Variants in BTD observed in about 807,000 individuals in gnomAD.
BTD encodes the protein biocytinase.
BTD carries 13 observed loss-of-function variants against 17.7 expected under a neutral mutation model. The observed-to-expected ratio is 0.74, with a 90% CI of 0.48 to 1.17. BTD has a LOEUF of 1.17. BTD is among the 50% of genes most tolerant of loss of function. The pLI is 0.00. For synonymous variants in BTD, 240 were observed against 245.2 expected (o/e 0.98, Z 0.20); for missense variants, 674 against 650.4 (o/e 1.04, Z -0.39).
chr3:15,655,777 G>T (rs1453576401), downstream of BTD, among the ~76,000 whole-genome samples: 1 of 152,186 alleles, frequency 6.6e-6, no homozygotes, highest in Non-Finnish European at 1.5e-5. Context: ...CAGTATTCAT[G>T]TATGACAGAG....
Position 15,622,453 on chromosome 3 carries a change from T to C in BTD, c.-16-12971T>C, listed in dbSNP as rs369982817. Among the ~76,000 whole-genome samples, 4 of 152,362 alleles carry C rather than the reference T, an allele frequency of 2.6e-5. No individual in the cohort carries two copies. In the East Asian group the frequency reaches 5.8e-4, roughly 22 times the overall value. On this transcript the variant is annotated intron_variant, in intron 1 of 3. Coordinates refer to ENST00000643237, the MANE Select transcript of BTD (RefSeq NM_001370658.1). Reference sequence around the variant, plus strand: ...CTACTCTTTTAAATCTGTTAAGTTGTGTTTTATGGCTCACAGTGTGTTTTG... The same window carrying C: ...CTACTCTTTTAAATCTGTTAAGTTGCGTTTTATGGCTCACAGTGTGTTTTG...
At chr3:15,690,669 A>T (rs1028193233) in intron 3 of BTD, among the ~76,000 whole-genome samples, 1 of 152,062 alleles carries the variant, frequency 6.6e-6, no homozygotes, top group Non-Finnish European at 1.5e-5. Flanking sequence ...GGCTTAAGTG[A>T]TCCTCCCACC....
chr3:15,606,793 G>A (rs946030799), intron 1 of BTD: 2 of 152,196 alleles, frequency 1.3e-5, no homozygotes, highest in African/African-American at 4.8e-5. Flanking sequence ...GATTAACAGG[G>A]CCAAGGAGCA....
chr3:15,640,483 C>T (rs947011924), intron 2 of BTD, among the ~76,000 whole-genome samples: 1 of 151,926 alleles, frequency 6.6e-6, no homozygotes. Context: ...CTCTGCCTCC[C>T]GGGTTCCAGT....
intron 3 of BTD, among the ~76,000 whole-genome samples, chr3:15,666,408 C>CCCT (rs1553567292): frequency 6.6e-6 from 1 of 151,994 alleles, no homozygotes; most frequent in African/African-American, 2.4e-5. Context: ...TTCATCTCCC[C>CCCT]CTTTCCTCAT....
In BTD at chr3:15,647,208, C is replaced by T. The variant is rs1216384249; in HGVS notation, c.*1720C>T. 2.0e-5 allele frequency: 3 copies of T among 152,262 alleles called. No homozygotes were observed. Among genetic ancestry groups the T allele is most frequent in the Admixed American group, 6.5e-5 (1 of 15,286 alleles). The allele number at this position is 152,262 out of a possible 1,614,324, so 9.4% of individuals were successfully genotyped here. On this transcript the variant is annotated 3_prime_UTR_variant, in exon 4 of 4. Coordinates refer to ENST00000643237, the MANE Select transcript of BTD (RefSeq NM_001370658.1). Reference sequence around the variant, plus strand: ...CTTTCTCGCCCAGCGCAGCTCCCACCAGGCGTGAGCTGGCAGTCCAGAAGC... The same window carrying T: ...CTTTCTCGCCCAGCGCAGCTCCCACTAGGCGTGAGCTGGCAGTCCAGAAGC...
intron 1 of BTD, among the ~76,000 whole-genome samples, chr3:15,603,936 C>T (rs928173178): frequency 5.9e-5 from 9 of 152,186 alleles, no homozygotes; most frequent in African/African-American, 2.2e-4. Flanking sequence ...GCAGCTCTGC[C>T]CTTGTGGTTT....
intron 1 of BTD, 156 bp downstream of exon 1, chr3:15,602,050 G>A (rs2125314305): frequency 2.0e-6 from 3 of 1,468,100 alleles, no homozygotes; most frequent in African/African-American, 2.8e-5. Context: ...CTGTTTGTGC[G>A]TTGCTGCTGT....
intron 3 of BTD, chr3:15,685,003 C>T (rs1326122676): frequency 1.8e-6 from 1 of 550,746 alleles, no homozygotes; most frequent in African/African-American, 1.9e-5. Flanking sequence ...AAAAATACTT[C>T]ATGGCTTATC....
chr3:15,674,830 G>A (rs2066767380), intron 3 of BTD, among the ~76,000 whole-genome samples: 9 of 152,210 alleles, frequency 5.9e-5, no homozygotes, highest in Admixed American at 5.9e-4. Context: ...GAAACGATCA[G>A]TTGTGCCAAA....
chr3:15,678,989 G>A (rs964424747), intron 3 of BTD, among the ~76,000 whole-genome samples: 1 of 151,944 alleles, frequency 6.6e-6, no homozygotes, highest in Non-Finnish European at 1.5e-5. Flanking sequence ...TGGGGGGTAG[G>A]GCCCAGACGG....
chr3:15,640,978 C>A (rs2065486151), intron 2 of BTD, among the ~76,000 whole-genome samples: 1 of 152,170 alleles, frequency 6.6e-6, no homozygotes, highest in African/African-American at 2.4e-5. Flanking sequence ...TTGTTCATGC[C>A]TTCTCTGCCT....
At chr3:15,677,466 A>G in intron 3 of BTD, 1 of 1,584,368 alleles carries the variant, frequency 6.3e-7, no homozygotes, top group South Asian at 1.1e-5. Flanking sequence ...CATATTCTTA[A>G]GATGTATACA....
chr3:15,628,826 A>G (rs1209770939), intron 1 of BTD, among the ~76,000 whole-genome samples: 1 of 152,196 alleles, frequency 6.6e-6, no homozygotes. Flanking sequence ...TCAAATATGC[A>G]TTTAAAAATA....
chr3:15,709,730 C>A, intron 3 of BTD: 1 of 1,561,460 alleles, frequency 6.4e-7, no homozygotes, highest in East Asian at 2.3e-5. Context: ...TTAGGCACTC[C>A]AAATTCCTAT....
At chr3:15,707,992 A>G (rs1408649607) in intron 3 of BTD, 2 of 1,611,992 alleles carry the variant, frequency 1.2e-6, no homozygotes, top group Non-Finnish European at 1.7e-6. Context: ...GGTCATTCAC[A>G]CTTGCTCCTG....
chr3:15,697,494 A>G (rs1251977488), intron 3 of BTD: 2 of 151,904 alleles, frequency 1.3e-5, no homozygotes, highest in African/African-American at 4.8e-5. Flanking sequence ...ATAAAAATAA[A>G]TTTAATCATG....
At chr3:15,644,255 C>T in intron 3 of BTD, 61 bp from the exon 4 acceptor site, 1 of 1,529,210 alleles carries the variant, frequency 6.5e-7, no homozygotes, top group South Asian at 1.2e-5. Context: ...CCGCCTCAGC[C>T]TCCCACAGTG....
chr3:15,609,004 A>G (rs2064539537), intron 1 of BTD, among the ~76,000 whole-genome samples: 1 of 152,178 alleles, frequency 6.6e-6, no homozygotes, highest in Non-Finnish European at 1.5e-5. Flanking sequence ...CATGTCAGCA[A>G]AACAAAGATT....
Sources: gnomAD v4.1 joint callset for allele counts (sites outside exome capture counted in the v4.1 genomes callset) on GRCh38, gnomAD v4.1.1 for gene constraint, MANE v1.5 for transcripts, NCBI Gene and HGNC (gene_info 2026-07-23, HGNC 2026-07-21) for gene names.